The following LEAP2 variants were observed in gnomAD, a reference collection of about 807,000 sequenced individuals.
LEAP2 encodes the protein liver enriched antimicrobial peptide 2, also known as liver-expressed antimicrobial peptide 2.
A neutral mutation model predicts 9.3 loss-of-function variants in LEAP2; 13 were observed. That is an observed-to-expected ratio of 1.39 (90% CI 0.91 to 2.21). The LOEUF is 2.21. LEAP2 is among the 30% of genes most tolerant of loss of function. The probability of loss-of-function intolerance (pLI) is 0.00; values close to 1 mark genes in which losing one functional copy is unlikely to be tolerated. For synonymous variants in LEAP2, 34 were observed against 34.9 expected (o/e 0.98, Z 0.09); for missense variants, 98 against 94.0 (o/e 1.04, Z -0.17).
Position 132,874,729 on chromosome 5 carries a change from G to A in LEAP2, c.*283G>A, listed in dbSNP as rs1418752270. The A allele has an allele frequency of 5.5e-6, 3 of 544,000 alleles. No individual in the cohort carries two copies. Among genetic ancestry groups the A allele is most frequent in the African/African-American group, 1.9e-5 (1 of 52,616 alleles). The allele number at this position is 544,000 out of a possible 1,614,324, so 33.7% of individuals were successfully genotyped here. Reference sequence around the variant, plus strand: ...GCAGTCTGGAATTCAAGCTTTTGAGGGAAAGAAGGATTCATTTTGTATACT... The same window carrying A: ...GCAGTCTGGAATTCAAGCTTTTGAGAGAAAGAAGGATTCATTTTGTATACT... On this transcript the variant is annotated 3_prime_UTR_variant, in exon 3 of 3. Coordinates refer to ENST00000296877, the MANE Select transcript of LEAP2 (RefSeq NM_052971.3).
chr5:132,874,114 G>A lies in LEAP2; in HGVS notation c.197+25G>A, dbSNP rs564564312. ...GGTACTCCCTGAACCTGGGAGCAGG[G>A]TTGGGCCAGAGAGCCCTGGGAAGCT... On this transcript the variant is annotated intron_variant, in intron 2 of 2. Transcript: ENST00000296877. 56 of 1,604,296 alleles carry A rather than the reference G, an allele frequency of 3.5e-5. 1 individual carries two copies. In the South Asian group the frequency reaches 5.7e-4, roughly 16 times the overall value.
At position 132,873,694 on chromosome 5, in the gene LEAP2, G is replaced by T. The variant is rs1436477139; in HGVS notation, c.-1G>T. The T allele has an allele frequency of 6.2e-7, 1 of 1,613,838 alleles. No individual in the cohort carries two copies. The highest frequency in any genetic ancestry group is 2.2e-5 in the East Asian group (1 of 44,896). On this transcript the variant is annotated 5_prime_UTR_variant, in exon 1 of 3. Transcript: ENST00000296877. ...GGCTCCAACATCCTCCCCCTGTCAA[G>T]ATGTGGCACCTCAAACTTTGTGCAG...
chr5:132,874,818 C>A lies in LEAP2; in HGVS notation c.*372C>A, dbSNP rs3822760. 0.19 allele frequency: 67,994 copies of A among 367,026 alleles called. 6,954 individuals are homozygous for A. Among genetic ancestry groups the A allele is most frequent in the African/African-American group, 0.29 (13,585 of 47,292 alleles). 22.7% of individuals were successfully genotyped at this position (367,026 alleles called of 1,614,324 possible). On this transcript the variant is annotated 3_prime_UTR_variant, in exon 3 of 3. Transcript: ENST00000296877. The stretch of plus-strand genomic sequence containing the variant: ...CTCAATCTGGAAAGTGTAGTGAGAG[C>A]TACATAATCAATAGCTACGTAATCA...
At chr5:132,874,241 T>A (rs578026679) in intron 2 of LEAP2, 152 bp downstream of exon 2, 1 of 1,041,748 alleles carries the variant, frequency 9.6e-7, no homozygotes, top group East Asian at 2.4e-5. Context: ...CCTTAGGAGT[T>A]AGGAGCCAAG....
Position 132,874,031 on chromosome 5 carries a change from C to G in LEAP2, c.139C>G (p.Leu47Val). 2.5e-6 allele frequency: 4 copies of G among 1,614,004 alleles called. No individual in the cohort carries two copies. Among genetic ancestry groups the G allele is most frequent in the Non-Finnish European group, 3.4e-6 (4 of 1,180,004 alleles). The change falls in exon 2 of 3, where the codon CTC (leucine) becomes GTC (valine). Residue 47 changes from leucine (L) to valine (V), a missense_variant. Physicochemically the swap from Leu to Val is conservative, Grantham distance 32. Transcript: ENST00000296877. ...RMTPFWRGVS[L>V]RPIGASCRDD... is the part of the protein sequence containing the mutation. Reference sequence around the variant, plus strand: ...GACCCCATTTTGGAGAGGGGTTTCCCTCAGGCCTATTGGAGCCTCCTGCCG... The same window carrying G: ...GACCCCATTTTGGAGAGGGGTTTCCGTCAGGCCTATTGGAGCCTCCTGCCG...
In LEAP2 at chr5:132,874,617, T is replaced by C; in HGVS notation, c.*171T>C. 2 of 708,514 alleles carry C rather than the reference T, an allele frequency of 2.8e-6. No individual in the cohort carries two copies. The highest frequency in any genetic ancestry group is 5.4e-5 in the East Asian group (2 of 37,078). The allele number at this position is 708,514 out of a possible 1,614,324, so 43.9% of individuals were successfully genotyped here. A position where few individuals can be genotyped will look rare whatever the true frequency, so the allele number is the denominator to read the frequency against. ...TTGGTCTCCATTTCTTCTTAGAATG[T>C]TGATATATGGATAAGCATAACTAAA... On this transcript the variant is annotated 3_prime_UTR_variant, in exon 3 of 3. Coordinates refer to ENST00000296877, the MANE Select transcript of LEAP2 (RefSeq NM_052971.3).
Position 132,874,024 on chromosome 5 carries a change from G to A in LEAP2, c.132G>A (p.Gly44=), listed in dbSNP as rs139417726. The change falls in exon 2 of 3, where the codon GGG becomes GGA. Residue 44 remains glycine (G), a synonymous_variant. Transcript: ENST00000296877. ...RPRRMTPFWR[G]VSLRPIGASC... ...GGAGAATGACCCCATTTTGGAGAGG[G>A]GTTTCCCTCAGGCCTATTGGAGCCT... The A allele has an allele frequency of 1.2e-6, 2 of 1,614,092 alleles. No individual in the cohort carries two copies. The highest frequency in any genetic ancestry group is 2.2e-5 in the East Asian group (1 of 44,878).
At position 132,874,041 on chromosome 5, in the gene LEAP2, T is replaced by C. The variant is rs1435857899; in HGVS notation, c.149T>C (p.Ile50Thr). The change falls in exon 2 of 3, where the codon ATT becomes ACT. Residue 50 changes from isoleucine (I) to threonine (T), a missense_variant. Coordinates refer to ENST00000296877, the MANE Select transcript of LEAP2 (RefSeq NM_052971.3). ...PFWRGVSLRP[I>T]GASCRDDSEC... ...TGGAGAGGGGTTTCCCTCAGGCCTATTGGAGCCTCCTGCCGGGATGATTCT... is the reference window on the plus strand; with the variant it reads ...TGGAGAGGGGTTTCCCTCAGGCCTACTGGAGCCTCCTGCCGGGATGATTCT... 1.2e-6 allele frequency: 2 copies of C among 1,613,982 alleles called. No individual in the cohort carries two copies. Among genetic ancestry groups the C allele is most frequent in the Non-Finnish European group, 1.7e-6 (2 of 1,180,000 alleles).
rs1759791230 is a variant in LEAP2 at position 132,874,612 on chromosome 5, G to C, written c.*166G>C. ...TTAAATTGGTCTCCATTTCTTCTTA[G>C]AATGTTGATATATGGATAAGCATAA... On this transcript the variant is annotated 3_prime_UTR_variant, in exon 3 of 3. Coordinates refer to ENST00000296877, the MANE Select transcript of LEAP2 (RefSeq NM_052971.3). 4 of 715,592 alleles carry C rather than the reference G, an allele frequency of 5.6e-6. No individual in the cohort carries two copies. The highest frequency in any genetic ancestry group is 1.5e-5 in the South Asian group (1 of 66,852). The allele number at this position is 715,592 out of a possible 1,614,324, so 44.3% of individuals were successfully genotyped here. A position where few individuals can be genotyped will look rare whatever the true frequency, so the allele number is the denominator to read the frequency against.
At position 132,874,575 on chromosome 5, in the gene LEAP2, C is replaced by G; in HGVS notation, c.*129C>G. 1 of 798,706 alleles carries G rather than the reference C, an allele frequency of 1.3e-6. No individual in the cohort carries two copies. Among genetic ancestry groups the G allele is most frequent in the South Asian group, 1.4e-5 (1 of 69,350 alleles). 49.5% of individuals were successfully genotyped at this position (798,706 alleles called of 1,614,324 possible). A position where few individuals can be genotyped will look rare whatever the true frequency, so the allele number is the denominator to read the frequency against. On this transcript the variant is annotated 3_prime_UTR_variant, in exon 3 of 3. Coordinates refer to ENST00000296877, the MANE Select transcript of LEAP2 (RefSeq NM_052971.3). ...ATCTTGTATTTTTAATATTTAAAGG[C>G]AGATGTACGCTTTAAATTGGTCTCC...
In LEAP2 at chr5:132,874,676, C is replaced by T. The variant is rs1759792012; in HGVS notation, c.*230C>T. ...TTTAGAGTTTATTTTTCTATGGATA[C>T]TATTAAATGTCTCAAATTGAAATTT... On this transcript the variant is annotated 3_prime_UTR_variant, in exon 3 of 3. Transcript: ENST00000296877. 3 of 603,720 alleles carry T rather than the reference C, an allele frequency of 5.0e-6. No homozygotes were observed. The highest frequency in any genetic ancestry group is 3.7e-5 in the African/African-American group (2 of 53,778). 37.4% of individuals were successfully genotyped at this position (603,720 alleles called of 1,614,324 possible). A position where few individuals can be genotyped will look rare whatever the true frequency, so the allele number is the denominator to read the frequency against.
At chr5:132,874,154 C>A in intron 2 of LEAP2, 65 bp downstream of exon 2, 2 of 1,500,858 alleles carry the variant, frequency 1.3e-6, no homozygotes, top group South Asian at 1.2e-5. Context: ...AGAGGAGTGA[C>A]AAGGGGACAC....
chr5:132,874,273 T>C, intron 2 of LEAP2, 137 bp from the exon 3 acceptor site: 4 of 974,004 alleles, frequency 4.1e-6, no homozygotes, highest in Admixed American at 3.8e-5. Context: ...GTGGGTACCA[T>C]GAAAGAGTGG....
Position 132,874,680 on chromosome 5 carries a change from T to C in LEAP2, c.*234T>C. ...GAGTTTATTTTTCTATGGATACTAT[T>C]AAATGTCTCAAATTGAAATTTTAGC... On this transcript the variant is annotated 3_prime_UTR_variant, in exon 3 of 3. Coordinates refer to ENST00000296877, the MANE Select transcript of LEAP2 (RefSeq NM_052971.3). 1 of 600,878 alleles carries C rather than the reference T, an allele frequency of 1.7e-6. No individual in the cohort carries two copies. The highest frequency in any genetic ancestry group is 2.0e-5 in the South Asian group (1 of 51,272). 37.2% of individuals were successfully genotyped at this position (600,878 alleles called of 1,614,324 possible).
At chr5:132,873,848 T>G (rs760806748) in intron 1 of LEAP2, 97 bp downstream of exon 1, 52 of 1,585,742 alleles carry the variant, frequency 3.3e-5, no homozygotes, top group Non-Finnish European at 4.3e-5. Context: ...GAATGGTTCC[T>G]CTGTTCTGAG....
chr5:132,873,993 G>A lies in LEAP2; in HGVS notation c.101G>A (p.Arg34Lys), dbSNP rs764210613. Residue 34 changes from arginine (R) to lysine (K), a missense_variant, in exon 2 of 3, where the codon AGG becomes AAG. Arg to Lys is a conservative substitution (Grantham distance 26). Transcript: ENST00000296877. ...CCAGAAGTGAGTTCGGCAAAGAGAA[G>A]GCCACGGAGAATGACCCCATTTTGG... The part of the protein sequence containing the change: ...PIPEVSSAKR[R>K]PRRMTPFWRG... The A allele has an allele frequency of 6.2e-7, 1 of 1,614,172 alleles. No individual in the cohort carries two copies. The highest frequency in any genetic ancestry group is 8.5e-7 in the Non-Finnish European group (1 of 1,180,016).
At position 132,874,356 on chromosome 5, in the gene LEAP2, G is replaced by C. The variant is rs1459260420; in HGVS notation, c.198-54G>C. 8 of 1,438,098 alleles carry C rather than the reference G, an allele frequency of 5.6e-6. No homozygotes were observed. In the Admixed American group the frequency reaches 1.3e-4, roughly 24 times the overall value. The allele number at this position is 1,438,098 out of a possible 1,614,324, so 89.1% of individuals were successfully genotyped here. A position where few individuals can be genotyped will look rare whatever the true frequency, so the allele number is the denominator to read the frequency against. On this transcript the variant is annotated intron_variant, in intron 2 of 2. Transcript: ENST00000296877. The stretch of plus-strand genomic sequence containing the variant: ...AGAGGAAGGAAATGCAGCATAGGTG[G>C]CCCTGGTCATTCCTAGACCCAGTCT...
At chr5:132,873,825 A>C (rs1759775169) in intron 1 of LEAP2, 74 bp downstream of exon 1, 1 of 1,577,694 alleles carries the variant, frequency 6.3e-7, no homozygotes, top group African/African-American at 1.4e-5. Context: ...TGAAAGCTAG[A>C]TTCAGTCCTG....
At position 132,873,736 on chromosome 5, in the gene LEAP2, G is replaced by A; in HGVS notation, c.42G>A (p.Leu14=). The A allele has an allele frequency of 6.2e-7, 1 of 1,613,984 alleles. No individual in the cohort carries two copies. Among genetic ancestry groups the A allele is most frequent in the Non-Finnish European group, 8.5e-7 (1 of 1,179,894 alleles). The change falls in exon 1 of 3, where the codon CTG becomes CTA. Residue 14 remains leucine, a synonymous_variant. Coordinates refer to ENST00000296877, the MANE Select transcript of LEAP2 (RefSeq NM_052971.3). ...LKLCAVLMIF[L]LLLGQIDGSP... Reference sequence around the variant, plus strand: ...TTTGTGCAGTCCTCATGATCTTCCTGTTGCTGTTGGGCCAGGTAAGGAGGG... The same window carrying A: ...TTTGTGCAGTCCTCATGATCTTCCTATTGCTGTTGGGCCAGGTAAGGAGGG...
Sources: gnomAD v4.1 joint callset for allele counts on GRCh38, gnomAD v4.1.1 for gene constraint, MANE v1.5 for transcripts, NCBI Gene and HGNC (gene_info 2026-07-23, HGNC 2026-07-21) for gene names.